The following MOSMO variants were observed in gnomAD, a reference collection of about 807,000 sequenced individuals.
MOSMO encodes modulator of smoothened.
MOSMO carries 5 observed loss-of-function variants against 18.4 expected under a neutral mutation model. The observed-to-expected ratio is 0.27, with a 90% CI of 0.14 to 0.57. MOSMO has a LOEUF of 0.57. Ranked by LOEUF, MOSMO falls within the 20% of genes least tolerant of loss-of-function variation. The probability of loss-of-function intolerance (pLI) is 0.92; values close to 1 mark genes in which losing one functional copy is unlikely to be tolerated. For missense variants in MOSMO, 138 were observed against 211.8 expected, an observed-to-expected ratio of 0.65 and a Z score of 2.16; for synonymous variants, 82 against 82.3, an observed-to-expected ratio of 1.00 and a Z score of 0.02.
chr16:22,053,535 G>A (rs1482964294), intron 1 of MOSMO, among the ~76,000 whole-genome samples: 1 of 152,124 alleles, frequency 6.6e-6, no homozygotes, highest in African/African-American at 2.4e-5. Context: ...AGGCACGGGG[G>A]CTCATGCCTG....
chr16:22,019,083 A>C (rs1426596491), intron 1 of MOSMO, among the ~76,000 whole-genome samples: 1 of 152,162 alleles, frequency 6.6e-6, no homozygotes, highest in Non-Finnish European at 1.5e-5. Flanking sequence ...AAATACAGAG[A>C]AGTCACTTGC....
At chr16:22,032,531 T>C (rs937653451) in intron 1 of MOSMO, among the ~76,000 whole-genome samples, 1 of 152,074 alleles carries the variant, frequency 6.6e-6, no homozygotes, top group Non-Finnish European at 1.5e-5. Context: ...TCTTTAATAT[T>C]GAATTGTAAC....
chr16:22,068,549 T>C (rs1048486858), intron 1 of MOSMO, among the ~76,000 whole-genome samples: 11 of 152,242 alleles, frequency 7.2e-5, no homozygotes, highest in Admixed American at 7.2e-4. Context: ...TCCCCCATCC[T>C]CTGGCAACCA....
intron 1 of MOSMO, among the ~76,000 whole-genome samples, chr16:22,070,149 A>G (rs1001329825): frequency 6.6e-6 from 1 of 152,208 alleles, no homozygotes; most frequent in Non-Finnish European, 1.5e-5. Context: ...AGGAAGTGGT[A>G]GATTTTTTAA....
At chr16:22,051,492 C>T (rs965353846) in intron 1 of MOSMO, among the ~76,000 whole-genome samples, 1 of 151,998 alleles carries the variant, frequency 6.6e-6, no homozygotes, top group African/African-American at 2.4e-5. Context: ...ATAGGTCAAA[C>T]CACAGACAAA....
At chr16:22,058,313 C>G (rs1269833665) in intron 1 of MOSMO, among the ~76,000 whole-genome samples, 1 of 151,636 alleles carries the variant, frequency 6.6e-6, no homozygotes, top group Non-Finnish European at 1.5e-5. Flanking sequence ...GTAATCCCAG[C>G]TACTTGGGGG....
intron 1 of MOSMO, among the ~76,000 whole-genome samples, chr16:22,037,825 C>T (rs1900137346): frequency 6.6e-6 from 1 of 152,218 alleles, no homozygotes; most frequent in South Asian, 2.1e-4. Context: ...TGGCATACCA[C>T]CCTCCAGGAA....
intron 1 of MOSMO, among the ~76,000 whole-genome samples, chr16:22,040,495 T>A (rs1158949803): frequency 6.6e-6 from 1 of 152,166 alleles, no homozygotes; most frequent in Non-Finnish European, 1.5e-5. Flanking sequence ...ATACCAAGAT[T>A]TCCAAACTGG....
chr16:22,065,598 G>A (rs776514299), intron 1 of MOSMO, among the ~76,000 whole-genome samples: 1 of 152,000 alleles, frequency 6.6e-6, no homozygotes, highest in Non-Finnish European at 1.5e-5. Flanking sequence ...GGTGTGTCTT[G>A]TACTGTCCTG....
chr16:22,023,997 T>TATATATATATATATATATATATATATA (rs1899818517), intron 1 of MOSMO, among the ~76,000 whole-genome samples: 1 of 126,314 alleles, frequency 7.9e-6, no homozygotes, highest in African/African-American at 3.7e-5. Context: ...TTTGTACAAA[T>TATATATATATATATATATATATATATA]TATATATATA....
chr16:22,039,187 G>A (rs1900165292), intron 1 of MOSMO, among the ~76,000 whole-genome samples: 1 of 152,084 alleles, frequency 6.6e-6, no homozygotes, highest in African/African-American at 2.4e-5. Flanking sequence ...TCAGTGATGG[G>A]AATTAAATGG....
At chr16:22,029,179 TTTTTAAAAG>T (rs1349564692) in intron 1 of MOSMO, among the ~76,000 whole-genome samples, 1 of 152,186 alleles carries the variant, frequency 6.6e-6, no homozygotes, top group Non-Finnish European at 1.5e-5. Context: ...TATGTTTATA[TTTTTAAAAG>T]TCCTAAAAGT....
chr16:22,034,541 C>A (rs1448377508), intron 1 of MOSMO, among the ~76,000 whole-genome samples: 1 of 152,062 alleles, frequency 6.6e-6, no homozygotes, highest in Non-Finnish European at 1.5e-5. Context: ...TCTCTCCTTG[C>A]TCGTGTGATT....
intron 1 of MOSMO, among the ~76,000 whole-genome samples, chr16:22,011,625 G>A (rs1644958571): frequency 6.6e-6 from 1 of 152,158 alleles, no homozygotes; most frequent in Non-Finnish European, 1.5e-5. Context: ...AAGGTCCAGA[G>A]TGTAACAGTG....
At chr16:22,032,196 T>C (rs1020812285) in intron 1 of MOSMO, among the ~76,000 whole-genome samples, 2 of 150,668 alleles carry the variant, frequency 1.3e-5, no homozygotes, top group Admixed American at 1.3e-4. Flanking sequence ...TTCTTTTTTT[T>C]TTTTTTTTTT....
chr16:22,025,582 T>G (rs1899859491), intron 1 of MOSMO, among the ~76,000 whole-genome samples: 1 of 152,144 alleles, frequency 6.6e-6, no homozygotes, highest in South Asian at 2.1e-4. Context: ...GTACATCAAA[T>G]TAATCATGTA....
rs1901071845 is a variant in MOSMO at position 22,081,130 on chromosome 16, T to C, written c.*250T>C. 2 of 205,630 alleles carry C rather than the reference T, an allele frequency of 9.7e-6. No individual in the cohort carries two copies. The highest frequency in any genetic ancestry group is 1.2e-4 in the Admixed American group (2 of 17,128). 12.7% of individuals were successfully genotyped at this position (205,630 alleles called of 1,614,324 possible). ...TACAGACAATATTGACTAAATCTCC[T>C]GAGCATATTCAGGCAGTCAGGTCTG... On this transcript the variant is annotated 3_prime_UTR_variant, in exon 3 of 3. Coordinates refer to ENST00000542527, the MANE Select transcript of MOSMO (RefSeq NM_001164579.2).
At chr16:22,039,665 C>T (rs1423964146) in intron 1 of MOSMO, among the ~76,000 whole-genome samples, 1 of 152,072 alleles carries the variant, frequency 6.6e-6, no homozygotes, top group African/African-American at 2.4e-5. Context: ...GTCCTTGTCT[C>T]TTACAAAAAA....
chr16:22,085,970 G>A (rs1403241854), downstream of MOSMO: 1 of 152,108 alleles, frequency 6.6e-6, no homozygotes, highest in Non-Finnish European at 1.5e-5. Context: ...TTTCAGTGCT[G>A]GATGAAATGT....
Sources: allele counts gnomAD v4.1 joint callset (sites outside exome capture counted in the v4.1 genomes callset), GRCh38; gene constraint gnomAD v4.1.1; transcripts MANE v1.5; gene names NCBI Gene and HGNC (gene_info 2026-07-23, HGNC 2026-07-21).